The following RAB33A variants were observed in gnomAD, a reference collection of about 807,000 sequenced individuals.
RAB33A encodes the protein RAB33A, member RAS oncogene family.
Under a neutral mutation model 12.0 loss-of-function variants are expected in RAB33A, and 6 were observed. The ratio of observed to expected loss-of-function variants is 0.50; its 90% CI spans 0.27 to 0.99. The LOEUF is 0.99. RAB33A is among the 50% of genes least tolerant of loss of function. RAB33A has a pLI of 0.11. For synonymous variants in RAB33A, 70 were observed against 82.4 expected, an observed-to-expected ratio of 0.85 and a Z score of 0.81; for missense variants, 109 against 192.0, an observed-to-expected ratio of 0.57 and a Z score of 2.55.
At chrX:130,150,565 G>A in the RAB33A span, among the ~76,000 whole-genome samples, 1 of 105,149 alleles carries the variant, frequency 9.5e-6, no homozygotes, top group Non-Finnish European at 2.0e-5. Context: ...TCGATCTCCT[G>A]ACCTCGTGAT....
intron 1 of RAB33A, among the ~76,000 whole-genome samples, chrX:130,182,640 G>A (rs1316440425): frequency 9.1e-6 from 1 of 110,145 alleles, no homozygotes; most frequent in Non-Finnish European, 1.9e-5. Flanking sequence ...TGTAATGCCA[G>A]CTACTCAGGA....
At chrX:130,165,804 A>G in the RAB33A span, 9 of 548,915 alleles carry the variant, frequency 1.6e-5, no homozygotes, top group Non-Finnish European at 2.9e-5. Context: ...TGGGCATTGG[A>G]CAGAGAAGCC....
chrX:130,113,077 C>CTTTTTTTTTTTTTTTTTTT, the RAB33A span, among the ~76,000 whole-genome samples: 5 of 46,993 alleles, frequency 1.1e-4, no homozygotes, highest in Non-Finnish European at 1.8e-4. Context: ...TTTTTTCCTT[C>CTTTTTTTTTTTTTTTTTTT]TTTTTTTTTT....
upstream of RAB33A, chrX:130,171,599 C>T (rs955541615): frequency 1.7e-4 from 22 of 128,300 alleles, no homozygotes; most frequent in Non-Finnish European, 2.8e-4. Flanking sequence ...CCCGGGGTGG[C>T]GTGTGCCGCT....
chrX:130,120,838 C>A, the RAB33A span, among the ~76,000 whole-genome samples: 1 of 113,113 alleles, frequency 8.8e-6, no homozygotes, highest in Non-Finnish European at 1.9e-5. Context: ...GCGTGCCCAC[C>A]CGCCCAGCAG....
the RAB33A span, among the ~76,000 whole-genome samples, chrX:130,154,534 A>G: frequency 4.4e-5 from 5 of 112,440 alleles, no homozygotes; most frequent in Non-Finnish European, 7.5e-5. Flanking sequence ...TGAATGTGTT[A>G]GCTTGTACCG....
At chrX:130,127,776 G>A in the RAB33A span, among the ~76,000 whole-genome samples, 16 of 95,258 alleles carry the variant, frequency 1.7e-4, no homozygotes, top group Non-Finnish European at 2.6e-4. Flanking sequence ...TGTAACCTCC[G>A]CCTCCCAGGT....
the RAB33A span, among the ~76,000 whole-genome samples, chrX:130,123,358 A>G: frequency 9.0e-6 from 1 of 111,622 alleles, no homozygotes; most frequent in East Asian, 2.8e-4. Flanking sequence ...ACACACGAGC[A>G]GGGAGCAGCC....
chrX:130,162,474 G>A, the RAB33A span, among the ~76,000 whole-genome samples: 2 of 112,312 alleles, frequency 1.8e-5, no homozygotes, highest in East Asian at 5.5e-4. Context: ...CTAGAAGAAA[G>A]CTAAGACATG....
At chrX:130,122,861 C>T in the RAB33A span, among the ~76,000 whole-genome samples, 1 of 111,580 alleles carries the variant, frequency 9.0e-6, no homozygotes, top group Non-Finnish European at 1.9e-5. Context: ...AACCCAGTTT[C>T]GAGGCTGTGA....
At chrX:130,167,733 A>G (rs2031556522), upstream of RAB33A, among the ~76,000 whole-genome samples, 1 of 112,067 alleles carries the variant, frequency 8.9e-6, no homozygotes, top group Admixed American at 9.4e-5. Context: ...ATGGAGCAAG[A>G]CTCTGTCTCC....
the RAB33A span, among the ~76,000 whole-genome samples, chrX:130,126,823 G>A: frequency 8.9e-6 from 1 of 112,310 alleles, no homozygotes; most frequent in Non-Finnish European, 1.9e-5. Context: ...CCTTTAGAAT[G>A]ACTTAAAGAA....
At chrX:130,124,980 G>A in the RAB33A span, among the ~76,000 whole-genome samples, 3 of 111,958 alleles carry the variant, frequency 2.7e-5, no homozygotes, top group African/African-American at 9.8e-5. Flanking sequence ...GGGGTTGTTC[G>A]GTCATTTTCA....
upstream of RAB33A, chrX:130,171,661 G>A: frequency 6.4e-6 from 1 of 156,305 alleles, no homozygotes; most frequent in East Asian, 1.6e-4. Flanking sequence ...GGTCCGTCCC[G>A]GGAATGCAGG....
chrX:130,113,844 C>T, the RAB33A span, among the ~76,000 whole-genome samples: 3 of 112,229 alleles, frequency 2.7e-5, no homozygotes, highest in African/African-American at 9.7e-5. Context: ...CTGCACTTCC[C>T]TGCCCCCAGC....
chrX:130,155,889 A>G, the RAB33A span, among the ~76,000 whole-genome samples: 1 of 112,270 alleles, frequency 8.9e-6, no homozygotes, highest in African/African-American at 3.2e-5. Context: ...CTAATACTAC[A>G]TAGCAATTAA....
chrX:130,142,676 T>G, the RAB33A span, among the ~76,000 whole-genome samples: 5 of 111,705 alleles, frequency 4.5e-5, no homozygotes, highest in Admixed American at 1.9e-4. Context: ...AATGGAGTCT[T>G]GTTCTGTCAC....
the RAB33A span, among the ~76,000 whole-genome samples, chrX:130,117,363 C>T: frequency 8.9e-6 from 1 of 112,372 alleles, no homozygotes; most frequent in Non-Finnish European, 1.9e-5. Flanking sequence ...GGGATGATGC[C>T]GACACAGGAG....
intron 1 of RAB33A, among the ~76,000 whole-genome samples, chrX:130,173,607 T>C (rs187839683): frequency 5.3e-4 from 60 of 112,296 alleles, no homozygotes; most frequent in Non-Finnish European, 9.4e-4. Context: ...GACAGCTCAG[T>C]ACTGATAAGG....
Sources: allele counts gnomAD v4.1 joint callset (sites outside exome capture counted in the v4.1 genomes callset), GRCh38; gene constraint gnomAD v4.1.1; transcripts MANE v1.5; gene names NCBI Gene and HGNC (gene_info 2026-07-23, HGNC 2026-07-21).